Variants in C1RL observed in about 807,000 individuals in gnomAD.
C1RL encodes the protein complement C1r subcomponent like.
Under a neutral mutation model 27.9 loss-of-function variants are expected in C1RL, and 27 were observed. The observed-to-expected ratio is 0.97, with a 90% CI of 0.71 to 1.33. The LOEUF (loss-of-function observed/expected upper bound fraction) is 1.33. Among genes scored for constraint, C1RL ranks in the 40% most tolerant of loss-of-function variants. The probability of loss-of-function intolerance (pLI) is 0.00; values close to 1 mark genes in which losing one functional copy is unlikely to be tolerated. For missense variants in C1RL, 563 were observed against 623.9 expected (o/e 0.90, Z 1.04); for synonymous variants, 248 against 252.1 (o/e 0.98, Z 0.15).
In C1RL at chr12:7,094,633, A is replaced by G. The variant is rs149718437; in HGVS notation, c.*1758T>C. On this transcript the variant is annotated 3_prime_UTR_variant, in exon 6 of 6. Transcript: ENST00000266542. ...TGCAATCATAAAAATAAGCAAAATA[A>G]AATAAAAACATTTCATGCTCATTAA... The G allele has an allele frequency of 3.3e-3, 3,222 of 975,956 alleles. 4 individuals carry two copies. The highest frequency in any genetic ancestry group is 3.7e-3 in the Non-Finnish European group (3,044 of 821,290). The allele number at this position is 975,956 out of a possible 1,614,324, so 60.5% of individuals were successfully genotyped here.
intron 2 of C1RL, 29 bp from the exon 3 acceptor site, chr12:7,102,116 A>G: frequency 6.3e-7 from 1 of 1,593,104 alleles, no homozygotes; most frequent in South Asian, 1.1e-5. Context: ...GTGAGGCTGC[A>G]GATAGGTGTG....
Position 7,095,444 on chromosome 12 carries a change from G to C in C1RL, c.*947C>G, listed in dbSNP as rs970345224. ...CCTCCAGGTTTTACTAAAAATTAAA[G>C]AGTTGGTCCTCTCAGGTGGAGCAGT... On this transcript the variant is annotated 3_prime_UTR_variant, in exon 6 of 6. Coordinates refer to ENST00000266542, the MANE Select transcript of C1RL (RefSeq NM_016546.4). The C allele has an allele frequency of 1.0e-6, 1 of 997,634 alleles. No individual in the cohort carries two copies. The highest frequency in any genetic ancestry group is 1.7e-5 in the African/African-American group (1 of 57,340). The allele number at this position is 997,634 out of a possible 1,614,324, so 61.8% of individuals were successfully genotyped here. A position where few individuals can be genotyped will look rare whatever the true frequency, so the allele number is the denominator to read the frequency against.
chr12:7,108,966 GGTGTGT>G lies in C1RL; in HGVS notation c.71+138_71+143del, dbSNP rs764538217. ...GCTGCTGGTGTGTGTATGTGGGGGAGGTGTGTGTGTGTGTGTGTGTGTGGGGGGGGG... is the reference window on the plus strand; with the variant it reads ...GCTGCTGGTGTGTGTATGTGGGGGAGGTGTGTGTGTGTGTGTGGGGGGGGG... On this transcript the variant is annotated intron_variant, in intron 1 of 5. Transcript: ENST00000266542. 1.3e-4 allele frequency: 46 copies of G among 367,980 alleles called. No homozygotes were observed. The East Asian group carries it at 1.9e-3, about 15-fold the overall frequency. 22.8% of individuals were successfully genotyped at this position (367,980 alleles called of 1,614,324 possible).
Position 7,094,990 on chromosome 12 carries a change from T to A in C1RL, c.*1401A>T. On this transcript the variant is annotated 3_prime_UTR_variant, in exon 6 of 6. Coordinates refer to ENST00000266542, the MANE Select transcript of C1RL (RefSeq NM_016546.4). ...CCATTTTTTAGAGATAAATTTAACC[T>A]TTGACCATATAGCAACTTGACTCTT... The A allele has an allele frequency of 9.0e-7, 1 of 1,112,546 alleles. No homozygotes were observed. Among genetic ancestry groups the A allele is most frequent in the Non-Finnish European group, 1.1e-6 (1 of 903,342 alleles). 68.9% of individuals were successfully genotyped at this position (1,112,546 alleles called of 1,614,324 possible).
Position 7,108,352 on chromosome 12 carries a change from T to C in C1RL, c.199A>G (p.Ser67Gly), listed in dbSNP as rs769764854. Residue 67 changes from serine to glycine, a missense_variant, in exon 2 of 6, where the codon AGC (serine) becomes GGC (glycine). By Grantham distance (56) the Ser-to-Gly change is moderately conservative. Transcript: ENST00000266542. ...YPEPYGKGQE[S>G]STDIKAPEGF... ...TCTGGAGCCTTGATGTCCGTGCTGC[T>C]CTCTTGGCCTTTGCCATACGGCTCT... The C allele has an allele frequency of 6.2e-7, 1 of 1,614,224 alleles. No individual in the cohort carries two copies.
chr12:7,109,186 A>C lies in C1RL; in HGVS notation c.-6T>G. On this transcript the variant is annotated 5_prime_UTR_variant, in exon 1 of 6. Transcript: ENST00000266542. The stretch of plus-strand genomic sequence containing the variant: ...CACACTCTGGGTCCAGGCATCTGGA[A>C]CTGGACATCTGGGACCTGCGAGAGA... 2 of 1,596,844 alleles carry C rather than the reference A, an allele frequency of 1.3e-6. No individual in the cohort carries two copies. Among genetic ancestry groups the C allele is most frequent in the Non-Finnish European group, 1.7e-6 (2 of 1,169,526 alleles).
chr12:7,097,151 G>A lies in C1RL; in HGVS notation c.704C>T (p.Pro235Leu), dbSNP rs1184737159. ...VLQCMPVCGR[P>L]VTPIAQNQTT... is the part of the protein sequence containing the mutation. ...CTGATTCTGGGCAATGGGGGTGACT[G>A]GCCGTCCGCAGACTGGGAGAGAGGC... The change falls in exon 6 of 6, where the codon CCA becomes CTA. Residue 235 changes from proline (P) to leucine (L), a missense_variant. Coordinates refer to ENST00000266542, the MANE Select transcript of C1RL (RefSeq NM_016546.4). The A allele has an allele frequency of 6.2e-7, 1 of 1,605,306 alleles. No homozygotes were observed. The highest frequency in any genetic ancestry group is 8.5e-7 in the Non-Finnish European group (1 of 1,175,022).
chr12:7,095,734 TG>T lies in C1RL; in HGVS notation c.*656del. On this transcript the variant is annotated 3_prime_UTR_variant, in exon 6 of 6. Transcript: ENST00000266542. ...ACAGTCTCTGCAGTCACACACCAGC[TG>T]TGGGACTTGGGCAAGTCCCTTTATC... 1 of 871,844 alleles carries T rather than the reference TG, an allele frequency of 1.1e-6. No homozygotes were observed. The highest frequency in any genetic ancestry group is 1.2e-4 in the East Asian group (1 of 8,290). The allele number at this position is 871,844 out of a possible 1,614,324, so 54.0% of individuals were successfully genotyped here. A position where few individuals can be genotyped will look rare whatever the true frequency, so the allele number is the denominator to read the frequency against.
intron 5 of C1RL, among the ~76,000 whole-genome samples, chr12:7,098,747 T>C (rs1938526423): frequency 6.6e-6 from 1 of 152,118 alleles, no homozygotes; most frequent in South Asian, 2.1e-4. Flanking sequence ...ATAAAATCCA[T>C]AAAGGCAAAT....
rs374259030 is a variant in C1RL at position 7,105,942 on chromosome 12, A to T, written c.300+2309T>A. Among the ~76,000 whole-genome samples the T allele has an allele frequency of 3.3e-5, 5 of 152,346 alleles. No individual in the cohort carries two copies. The East Asian group carries it at 9.6e-4, about 29-fold the overall frequency. ...AACAGATAACAAAGCTAGAGAATCA[A>T]TCTAGAACATACAACAGCTGAATTA... On this transcript the variant is annotated intron_variant, in intron 2 of 5. Transcript: ENST00000266542.
At chr12:7,099,875 C>T (rs1938562335) in intron 4 of C1RL, 26 bp downstream of exon 4, 15 of 1,613,368 alleles carry the variant, frequency 9.3e-6, no homozygotes, top group Non-Finnish European at 1.3e-5. Context: ...TGGATGGAAG[C>T]CACCCCTCGG....
At position 7,096,925 on chromosome 12, in the gene C1RL, C is replaced by T. The variant is rs1195716569; in HGVS notation, c.930G>A (p.Glu310=). 1.2e-5 allele frequency: 19 copies of T among 1,605,872 alleles called. No individual in the cohort carries two copies. Among genetic ancestry groups the T allele is most frequent in the Non-Finnish European group, 1.5e-5 (18 of 1,174,456 alleles). ...NVFLGHTAID[E]MLKLGNHPVH... is the part of the protein sequence containing the mutation. ...CAGGGTGGTTCCCCAGTTTCAGCAT[C>T]TCATCTATGGCTGTGTGGCCCAAGA... The change falls in exon 6 of 6, where the codon GAG becomes GAA. Residue 310 remains glutamate (E), a synonymous_variant. Transcript: ENST00000266542.
In C1RL at chr12:7,101,942, G is replaced by C. The variant is rs766499418; in HGVS notation, c.446C>G (p.Thr149Ser). Reference protein sequence around the residue: ...FRTQPSSENKTAHLHKGFLAL... With the variant: ...FRTQPSSENKSAHLHKGFLAL... ...CAGGAAGCCCTTGTGGAGGTGGGCA[G>C]TCTTGTTCTCCGAGGAAGGCTGTGT... The change falls in exon 3 of 6, where the codon ACT becomes AGT. Residue 149 changes from threonine (T) to serine (S), a missense_variant. Transcript: ENST00000266542. 1 of 1,614,238 alleles carries C rather than the reference G, an allele frequency of 6.2e-7. No individual in the cohort carries two copies. Among genetic ancestry groups the C allele is most frequent in the Non-Finnish European group, 8.5e-7 (1 of 1,180,036 alleles).
intron 1 of C1RL, 117 bp downstream of exon 1, chr12:7,108,993 G>GTGTGTAT (rs1565640562): frequency 1.0e-5 from 4 of 385,108 alleles, no homozygotes; most frequent in African/African-American, 8.0e-5. Context: ...GTGTGTGGGG[G>GTGTGTAT]GGGGGGGGAT....
chr12:7,107,224 G>T (rs775654495), intron 2 of C1RL, among the ~76,000 whole-genome samples: 2 of 151,592 alleles, frequency 1.3e-5, no homozygotes, highest in South Asian at 4.2e-4. Flanking sequence ...GCTGGAGTAC[G>T]GTGTCATGAT....
chr12:7,096,395 T>C lies in C1RL; in HGVS notation c.1460A>G (p.Asn487Ser), dbSNP rs530330610. 5.9e-6 allele frequency: 9 copies of C among 1,524,000 alleles called. No individual in the cohort carries two copies. In the African/African-American group the frequency reaches 8.4e-5, roughly 14 times the overall value. The allele number at this position is 1,524,000 out of a possible 1,614,324, so 94.4% of individuals were successfully genotyped here. A position where few individuals can be genotyped will look rare whatever the true frequency, so the allele number is the denominator to read the frequency against. The change falls in exon 6 of 6, where the codon AAT becomes AGT. Residue 487 changes from asparagine (N) to serine (S), a missense_variant. Asn to Ser is a conservative substitution (Grantham distance 46, BLOSUM62 1). Transcript: ENST00000266542. ...DWIKGVMNGK[N>S] ...TCCCTGTTCAAGCCCCCAGGGTCAA[T>C]TCTTGCCATTCATCACTCCCTTGAT... is the stretch of plus-strand genomic sequence containing the variant.
intron 3 of C1RL, among the ~76,000 whole-genome samples, chr12:7,101,112 TCCC>T (rs1565636803): frequency 0.087 from 879 of 10,096 alleles, 4 homozygotes; most frequent in South Asian, 0.17. Context: ...CTTCCTTCCC[TCCC>T]TCCCTCCCTC....
rs931022542 is a variant in C1RL, at chr12:7,104,146, G to T, written c.301-2059C>A. Among the ~76,000 whole-genome samples, 4 of 152,170 alleles carry T rather than the reference G, an allele frequency of 2.6e-5. No homozygotes were observed. The highest frequency in any genetic ancestry group is 5.9e-5 in the Non-Finnish European group (4 of 68,032). ...ATGGGAGCCAACATAAAGCAAGCAGGTTCTCATCACAGAACCAGGGGAAGT... is the reference window on the plus strand; with the variant it reads ...ATGGGAGCCAACATAAAGCAAGCAGTTTCTCATCACAGAACCAGGGGAAGT... On this transcript the variant is annotated intron_variant, in intron 2 of 5. Coordinates refer to ENST00000266542, the MANE Select transcript of C1RL (RefSeq NM_016546.4). The surrounding 1 kb of genome is among the most constrained non-coding windows in gnomAD (Gnocchi z 5.4).
At chr12:7,103,040 T>A (rs1938668706) in intron 2 of C1RL, among the ~76,000 whole-genome samples, 2 of 152,236 alleles carry the variant, frequency 1.3e-5, no homozygotes, top group Non-Finnish European at 2.9e-5. Flanking sequence ...CATGTCATTA[T>A]GATCAGAGTA....
Sources: allele counts gnomAD v4.1 joint callset (sites outside exome capture counted in the v4.1 genomes callset), GRCh38; gene constraint gnomAD v4.1.1; non-coding constraint Gnocchi (gnomAD v3.1); transcripts MANE v1.5; gene names NCBI Gene and HGNC (gene_info 2026-07-23, HGNC 2026-07-21).